ASB3: variants seen among roughly 807,000 people sequenced by gnomAD.
ASB3 encodes the protein ankyrin repeat and SOCS box containing 3.
Under a neutral mutation model 54.5 loss-of-function variants are expected in ASB3, and 41 were observed. The observed-to-expected ratio is 0.75, with a 90% confidence interval of 0.59 to 0.98. The LOEUF (loss-of-function observed/expected upper bound fraction) is 0.98, where lower values mean the gene tolerates loss of function less well. ASB3 is among the 50% of genes least tolerant of loss of function. The pLI is 0.00. For synonymous variants in ASB3, 266 were observed against 221.2 expected (o/e 1.20, Z -1.80); for missense variants, 733 against 620.0 (o/e 1.18, Z -1.94).
At chr2:53,683,513 TTCC>T (rs1668487166) in intron 9 of ASB3, among the ~76,000 whole-genome samples, 1 of 152,156 alleles carries the variant, frequency 6.6e-6, no homozygotes, top group Non-Finnish European at 1.5e-5. Flanking sequence ...TTGGAAATAT[TTCC>T]TCCTCTATTT....
At chr2:53,749,918 A>G (rs1343282932) in intron 3 of ASB3, among the ~76,000 whole-genome samples, 3 of 152,074 alleles carry the variant, frequency 2.0e-5, no homozygotes, top group African/African-American at 4.8e-5. Flanking sequence ...AAAAAGAATG[A>G]ATTTTACTAA....
chr2:53,781,738 G>A (rs750540234), intron 1 of ASB3, among the ~76,000 whole-genome samples: 3 of 152,060 alleles, frequency 2.0e-5, no homozygotes, highest in Non-Finnish European at 2.9e-5. Flanking sequence ...CAGGTGATCC[G>A]CCTGCCTCAG....
chr2:53,785,676 C>G (rs908452337), intron 1 of ASB3, among the ~76,000 whole-genome samples: 2 of 152,014 alleles, frequency 1.3e-5, no homozygotes, highest in African/African-American at 4.8e-5. Context: ...AACCCTGCCT[C>G]TACTAAAAAT....
intron 3 of ASB3, among the ~76,000 whole-genome samples, chr2:53,740,178 G>C (rs1286825242): frequency 6.6e-6 from 1 of 152,042 alleles, no homozygotes; most frequent in Non-Finnish European, 1.5e-5. Context: ...ACTTTTTTGA[G>C]TTCTACATGT....
At chr2:53,707,553 T>C (rs1224514432) in intron 7 of ASB3, among the ~76,000 whole-genome samples, 2 of 146,846 alleles carry the variant, frequency 1.4e-5, no homozygotes, top group African/African-American at 2.5e-5. Flanking sequence ...GAGGCTGAGG[T>C]GGAGAATGGC....
intron 8 of ASB3, among the ~76,000 whole-genome samples, chr2:53,694,880 T>C (rs922350259): frequency 6.6e-6 from 1 of 152,164 alleles, no homozygotes; most frequent in Non-Finnish European, 1.5e-5. Flanking sequence ...TATAAAGTAT[T>C]ATACGAAAAA....
intron 3 of ASB3, among the ~76,000 whole-genome samples, chr2:53,740,178 G>A (rs1286825242): frequency 6.6e-6 from 1 of 152,042 alleles, no homozygotes; most frequent in Non-Finnish European, 1.5e-5. Context: ...ACTTTTTTGA[G>A]TTCTACATGT....
chr2:53,687,975 G>A (rs746608436), intron 9 of ASB3, among the ~76,000 whole-genome samples: 28 of 152,058 alleles, frequency 1.8e-4, no homozygotes, highest in Non-Finnish European at 3.5e-4. Flanking sequence ...TCACCACCAT[G>A]TCTGGCTAAT....
intron 1 of ASB3, among the ~76,000 whole-genome samples, chr2:53,776,555 C>T (rs1674348613): frequency 6.6e-6 from 1 of 152,148 alleles, no homozygotes; most frequent in African/African-American, 2.4e-5. Flanking sequence ...CACCTGTCAT[C>T]ATAGTACTCT....
chr2:53,785,850 C>T lies in ASB3; in HGVS notation c.-14+971G>A, dbSNP rs146665094. 2.3e-3 allele frequency among the ~76,000 whole-genome samples: 345 copies of T among 152,250 alleles called. 3 individuals are homozygous for T. The highest frequency in any genetic ancestry group is 1.5e-3 in the Non-Finnish European group (103 of 68,000). On this transcript the variant is annotated intron_variant, in intron 1 of 9. Coordinates refer to ENST00000263634, the MANE Select transcript of ASB3 (RefSeq NM_016115.5). The stretch of plus-strand genomic sequence containing the variant: ...GAGCGAGACTTTGTCTCAAAACAAA[C>T]AACAACAACAAAAATCCCAGGAGTC...
rs1457300540 is a variant in ASB3, at chr2:53,716,814, A to AACT, written c.605-74_605-72dup. 1.3e-5 allele frequency: 20 copies of AACT among 1,491,970 alleles called. No individual in the cohort carries two copies. In the East Asian group the frequency reaches 4.7e-4, roughly 35 times the overall value. The allele number at this position is 1,491,970 out of a possible 1,614,324, so 92.4% of individuals were successfully genotyped here. On this transcript the variant is annotated intron_variant, in intron 5 of 9. Transcript: ENST00000263634. Reference sequence around the variant, plus strand: ...AAAAAATCAACACAAATTTCAAAGGAACTACCATAAAAGGGTTTCGTAGCA... The same window carrying AACT: ...AAAAAATCAACACAAATTTCAAAGGAACTACTACCATAAAAGGGTTTCGTAGCA...
chr2:53,773,970 G>A (rs771033701), intron 1 of ASB3, among the ~76,000 whole-genome samples: 50 of 152,122 alleles, frequency 3.3e-4, no homozygotes, highest in Non-Finnish European at 6.3e-4. Context: ...GGGAGGCTGA[G>A]GTTGCAGTAG....
chr2:53,743,347 C>A (rs895973699), intron 3 of ASB3, among the ~76,000 whole-genome samples: 3 of 151,976 alleles, frequency 2.0e-5, no homozygotes, highest in Non-Finnish European at 1.5e-5. Context: ...GGGAATAGTA[C>A]TGCCATAGGT....
chr2:53,729,651 A>C, intron 3 of ASB3, 81 bp from the exon 4 acceptor site: 2 of 1,201,422 alleles, frequency 1.7e-6, no homozygotes, highest in Non-Finnish European at 2.5e-6. Flanking sequence ...TGTTCTCATC[A>C]CTTACTCACC....
chr2:53,780,523 A>G (rs1010132918), intron 1 of ASB3, among the ~76,000 whole-genome samples: 10 of 152,190 alleles, frequency 6.6e-5, no homozygotes, highest in African/African-American at 2.4e-4. Context: ...TCGTGCCTGT[A>G]ATCTCAGCAA....
intron 9 of ASB3, among the ~76,000 whole-genome samples, chr2:53,690,251 AAATTAATT>A (rs1199194405): frequency 3.6e-4 from 54 of 151,564 alleles, no homozygotes; most frequent in African/African-American, 1.2e-3. Context: ...ATAAATAAAT[AAATTAATT>A]AATTAATTAA....
At chr2:53,736,885 G>T (rs998917264) in intron 3 of ASB3, among the ~76,000 whole-genome samples, 2 of 151,916 alleles carry the variant, frequency 1.3e-5, no homozygotes, top group South Asian at 4.1e-4. Flanking sequence ...CAAGTACACT[G>T]AGGCACAAGA....
chr2:53,688,759 G>A (rs1668760589), intron 9 of ASB3, among the ~76,000 whole-genome samples: 1 of 151,906 alleles, frequency 6.6e-6, no homozygotes, highest in Non-Finnish European at 1.5e-5. Context: ...ACAGGGAGGG[G>A]AACATCACAC....
At chr2:53,771,334 G>A (rs754826750) in intron 1 of ASB3, among the ~76,000 whole-genome samples, 79 of 152,060 alleles carry the variant, frequency 5.2e-4, no homozygotes, top group Middle Eastern at 6.3e-3. Flanking sequence ...GGCCAACATG[G>A]TAAACCCGTC....
Sources: gnomAD v4.1 joint callset for allele counts (sites outside exome capture counted in the v4.1 genomes callset) on GRCh38, gnomAD v4.1.1 for gene constraint, MANE v1.5 for transcripts, NCBI Gene and HGNC (gene_info 2026-07-23, HGNC 2026-07-21) for gene names.